DNMT3L: variants seen among roughly 807,000 people sequenced by gnomAD.
DNMT3L encodes the protein DNA methyltransferase 3 like.
DNMT3L carries 33 observed loss-of-function variants against 36.2 expected under a neutral mutation model. The observed-to-expected ratio is 0.91, with a 90% confidence interval of 0.69 to 1.22. DNMT3L has a LOEUF of 1.22. DNMT3L is among the 50% of genes most tolerant of loss of function. The pLI, the probability that DNMT3L is intolerant of heterozygous loss-of-function variation, is 0.00. For synonymous variants in DNMT3L, 117 were observed against 121.7 expected, an observed-to-expected ratio of 0.96 and a Z score of 0.26; for missense variants, 310 against 303.1, an observed-to-expected ratio of 1.02 and a Z score of -0.17.
At chr21:44,257,705 TA>T (rs1568916386) in intron 6 of DNMT3L, among the ~76,000 whole-genome samples, 1 of 82,276 alleles carries the variant, frequency 1.2e-5, no homozygotes, top group African/African-American at 9.0e-5. Flanking sequence ...AATAAATAAA[TA>T]AATAAATAAA....
In DNMT3L at chr21:44,261,744, C is replaced by T; in HGVS notation, c.-12G>A. 6.4e-6 allele frequency: 1 copy of T among 156,278 alleles called. No homozygotes were observed. Among genetic ancestry groups the T allele is most frequent in the Non-Finnish European group, 1.4e-5 (1 of 70,646 alleles). The allele number at this position is 156,278 out of a possible 1,614,324, so 9.7% of individuals were successfully genotyped here. On this transcript the variant is annotated 5_prime_UTR_variant, in exon 1 of 12. Transcript: ENST00000628202. ...GGGAGTAGGAAAGAGACTCACAGGG[C>T]TGCTGCCACGGCTCCGGGTACAGCC... is the stretch of plus-strand genomic sequence containing the variant.
At chr21:44,257,708 ATAAAT>A (rs2040275451) in intron 6 of DNMT3L, among the ~76,000 whole-genome samples, 1 of 149,604 alleles carries the variant, frequency 6.7e-6, no homozygotes, top group African/African-American at 2.5e-5. Flanking sequence ...AAATAAATAA[ATAAAT>A]AAATAAATAA....
intron 6 of DNMT3L, 112 bp from the exon 7 acceptor site, chr21:44,256,266 G>A: frequency 8.9e-7 from 1 of 1,118,596 alleles, no homozygotes; most frequent in Non-Finnish European, 1.3e-6. Context: ...ACTCACCGGA[G>A]ACACACATAA....
chr21:44,258,583 C>A lies in DNMT3L; in HGVS notation c.456G>T (p.Gly152=). ...CYLCLPSSRS[G]LLQRRRKWRS... is the part of the protein sequence containing the mutation. ...GCCACTTCCTCCGACGCTGCAGCAG[C>A]CCGCTTCGGGAGGACGGCAGGCACA... Residue 152 remains glycine, a synonymous_variant, in exon 6 of 12, where the codon GGG becomes GGT. Coordinates refer to ENST00000628202, the MANE Select transcript of DNMT3L (RefSeq NM_175867.3). This position sits in a 1 kb window ranked among gnomAD's most constrained non-coding sequence, Gnocchi z 6.2. The A allele has an allele frequency of 6.2e-7, 1 of 1,609,682 alleles. No individual in the cohort carries two copies. Among genetic ancestry groups the A allele is most frequent in the South Asian group, 1.1e-5 (1 of 90,458 alleles).
At chr21:44,253,863 C>A (rs2040237424) in intron 8 of DNMT3L, among the ~76,000 whole-genome samples, 1 of 152,256 alleles carries the variant, frequency 6.6e-6, no homozygotes, top group South Asian at 2.1e-4. Flanking sequence ...TAGCCCCAAA[C>A]TCCTCATGCC....
At chr21:44,255,381 C>T (rs9975700) in intron 7 of DNMT3L, among the ~76,000 whole-genome samples, 39,790 of 151,378 alleles carry the variant, frequency 0.26, 5,394 homozygotes, top group Admixed American at 0.36. Flanking sequence ...ATTAGCTGGG[C>T]GTGGTGGTGA....
At chr21:44,255,980 G>T in intron 7 of DNMT3L, 87 bp downstream of exon 7, 8 of 1,379,342 alleles carry the variant, frequency 5.8e-6, no homozygotes, top group South Asian at 2.4e-5. Context: ...AGGGGAGGGG[G>T]TGGGGAGTCC....
Position 44,254,721 on chromosome 21 carries a change from C to A in DNMT3L, c.605-16G>T. 3 of 1,613,516 alleles carry A rather than the reference C, an allele frequency of 1.9e-6. No homozygotes were observed. In the Admixed American group the frequency reaches 5.0e-5, roughly 27 times the overall value. Reference sequence around the variant, plus strand: ...CTCGTCAGCTCTGGATGGGGAGAGACCAGAAGGGCCCAGAGGGTGAGCGTG... The same window carrying A: ...CTCGTCAGCTCTGGATGGGGAGAGAACAGAAGGGCCCAGAGGGTGAGCGTG... On this transcript the variant is annotated splice_polypyrimidine_tract_variant and intron_variant, in intron 7 of 11. Coordinates refer to ENST00000628202, the MANE Select transcript of DNMT3L (RefSeq NM_175867.3).
chr21:44,254,759 A>G, intron 7 of DNMT3L, 54 bp from the exon 8 acceptor site: 3 of 1,582,896 alleles, frequency 1.9e-6, no homozygotes, highest in East Asian at 2.3e-5. Context: ...TTGTGCCCCT[A>G]CAGGGACTCG....
At chr21:44,256,833 C>T (rs566580517) in intron 6 of DNMT3L, among the ~76,000 whole-genome samples, 46 of 152,292 alleles carry the variant, frequency 3.0e-4, no homozygotes, top group African/African-American at 9.9e-4. Flanking sequence ...GCCCAAAACT[C>T]GGGGGCCTCG....
At chr21:44,261,393 G>A (rs72613644) in intron 1 of DNMT3L, 127 bp from the exon 2 acceptor site, 28,842 of 828,762 alleles carry the variant, frequency 0.035, 1,716 homozygotes, top group East Asian at 0.27. Context: ...CTGAACCCCC[G>A]CGGTGACACC....
intron 7 of DNMT3L, 82 bp from the exon 8 acceptor site, chr21:44,254,787 T>C: frequency 7.2e-7 from 1 of 1,382,154 alleles, no homozygotes. Flanking sequence ...TGACGGACGA[T>C]CAGAGGACCC....
rs1015919959 is a variant in DNMT3L, at chr21:44,258,857, T to C, written c.345-163A>G. On this transcript the variant is annotated intron_variant, in intron 5 of 11. Coordinates refer to ENST00000628202, the MANE Select transcript of DNMT3L (RefSeq NM_175867.3). The surrounding 1 kb of genome is among the most constrained non-coding windows in gnomAD (Gnocchi z 6.2). ...CTGGGAAGAGGGAGACGGTCCTTCCTAGAGACGCAGAGTGACAGGAGCCGA... is the reference window on the plus strand; with the variant it reads ...CTGGGAAGAGGGAGACGGTCCTTCCCAGAGACGCAGAGTGACAGGAGCCGA... Among the ~76,000 whole-genome samples the C allele has an allele frequency of 1.8e-4, 27 of 151,994 alleles. No individual in the cohort carries two copies. Among genetic ancestry groups the C allele is most frequent in the African/African-American group, 6.5e-4 (27 of 41,350 alleles).
chr21:44,254,764 G>T lies in DNMT3L; in HGVS notation c.605-59C>A, dbSNP rs1011175049. 6 of 1,562,312 alleles carry T rather than the reference G, an allele frequency of 3.8e-6. No homozygotes were observed. In the African/African-American group the frequency reaches 8.2e-5, roughly 21 times the overall value. ...TGAGCGTGGATTGTGCCCCTACAGGGACTCGAAAAGGCTGACGGACGATCA... is the reference window on the plus strand; with the variant it reads ...TGAGCGTGGATTGTGCCCCTACAGGTACTCGAAAAGGCTGACGGACGATCA... On this transcript the variant is annotated intron_variant, in intron 7 of 11. Transcript: ENST00000628202.
intron 2 of DNMT3L, 145 bp downstream of exon 2, chr21:44,261,009 G>A: frequency 4.5e-6 from 6 of 1,345,350 alleles, no homozygotes; most frequent in Non-Finnish European, 6.2e-6. Flanking sequence ...CATACCTGGG[G>A]GAAGACTGTG....
Position 44,254,562 on chromosome 21 carries a change from G to A in DNMT3L, c.693+55C>T, listed in dbSNP as rs1396808758. The A allele has an allele frequency of 1.9e-6, 3 of 1,589,004 alleles. No individual in the cohort carries two copies. The East Asian group carries it at 6.8e-5, about 36-fold the overall frequency. On this transcript the variant is annotated intron_variant, in intron 8 of 11. Transcript: ENST00000628202. ...CCTCATCCTTGGCATTTCCTCTGAG[G>A]AAGCTCGCACCCCCGCTCCCACTAC...
chr21:44,261,050 C>A lies in DNMT3L; in HGVS notation c.106+104G>T, dbSNP rs544577073. ...GGAACCTCCTGCCCCAGCCCGGGTG[C>A]CTGAATAATGCATGAATACTCCAGA... On this transcript the variant is annotated intron_variant, in intron 2 of 11. Transcript: ENST00000628202. 744 of 1,463,048 alleles carry A rather than the reference C, an allele frequency of 5.1e-4. 3 individuals are homozygous for A. The African/African-American group carries it at 9.5e-3, about 19-fold the overall frequency. 90.6% of individuals were successfully genotyped at this position (1,463,048 alleles called of 1,614,324 possible).
chr21:44,257,649 C>T (rs926152500), intron 6 of DNMT3L, among the ~76,000 whole-genome samples: 6 of 146,298 alleles, frequency 4.1e-5, no homozygotes, highest in African/African-American at 1.5e-4. Flanking sequence ...CCACTGCACT[C>T]CAGCCTGGGC....
chr21:44,256,347 C>T (rs75546846), intron 6 of DNMT3L, among the ~76,000 whole-genome samples, 193 bp from the exon 7 acceptor site: 7 of 151,820 alleles, frequency 4.6e-5, no homozygotes, highest in Non-Finnish European at 1.0e-4. Context: ...AACTCCACCC[C>T]CTGCTCCAGC....
Sources: allele counts gnomAD v4.1 joint callset (sites outside exome capture counted in the v4.1 genomes callset), GRCh38; gene constraint gnomAD v4.1.1; non-coding constraint Gnocchi (gnomAD v3.1); transcripts MANE v1.5; gene names NCBI Gene and HGNC (gene_info 2026-07-23, HGNC 2026-07-21).